The following THOC7 variants were observed in gnomAD, a reference collection of about 807,000 sequenced individuals.
THOC7 encodes NIF3L1-binding protein 1.
A neutral mutation model predicts 33.1 loss-of-function variants in THOC7; 22 were observed. That is an observed-to-expected ratio of 0.66 (90% CI 0.47 to 0.95). THOC7 has a LOEUF of 0.95. THOC7 is among the 40% of genes least tolerant of loss of function. The pLI is 0.00. For missense variants in THOC7, 184 were observed against 245.3 expected, an observed-to-expected ratio of 0.75 and a Z score of 1.67; for synonymous variants, 77 against 76.8, an observed-to-expected ratio of 1.00 and a Z score of -0.01.
In THOC7 at chr3:63,843,679, T is replaced by C. The variant is rs552327392; in HGVS notation, c.20-3906A>G. Reference sequence around the variant, plus strand: ...ACTTTGGGAGGCCAAGGTGGGCGCATCACGAGGTCAGGAGATCGAGACCAT... The same window carrying C: ...ACTTTGGGAGGCCAAGGTGGGCGCACCACGAGGTCAGGAGATCGAGACCAT... On this transcript the variant is annotated intron_variant, in intron 1 of 7. Transcript: ENST00000295899. 6.6e-5 allele frequency among the ~76,000 whole-genome samples: 10 copies of C among 152,176 alleles called. No homozygotes were observed. In the East Asian group the frequency reaches 2.0e-3, roughly 30 times the overall value.
At chr3:63,862,424 A>C (rs1702242963) in intron 1 of THOC7, among the ~76,000 whole-genome samples, 2 of 152,210 alleles carry the variant, frequency 1.3e-5, no homozygotes, top group Non-Finnish European at 2.9e-5. Flanking sequence ...AAAACTCATT[A>C]GTCAATGTTT....
At chr3:63,856,987 GGA>G (rs1295764062) in intron 1 of THOC7, among the ~76,000 whole-genome samples, 1 of 152,166 alleles carries the variant, frequency 6.6e-6, no homozygotes, top group African/African-American at 2.4e-5. Flanking sequence ...CCAAGTGCTG[GGA>G]TTACAGGCGT....
At chr3:63,834,985 C>T (rs1042810556) in intron 7 of THOC7, among the ~76,000 whole-genome samples, 169 bp downstream of exon 7, 1 of 152,102 alleles carries the variant, frequency 6.6e-6, no homozygotes, top group Non-Finnish European at 1.5e-5. Context: ...TAAGACTTTT[C>T]TACATGTATT....
intron 1 of THOC7, among the ~76,000 whole-genome samples, chr3:63,848,007 A>C (rs1382544068): frequency 6.6e-6 from 1 of 152,192 alleles, no homozygotes; most frequent in Non-Finnish European, 1.5e-5. Flanking sequence ...ATGAACATTA[A>C]AACAGAGATC....
At chr3:63,837,161 G>C (rs1396324282) in intron 4 of THOC7, among the ~76,000 whole-genome samples, 1 of 151,508 alleles carries the variant, frequency 6.6e-6, no homozygotes, top group Non-Finnish European at 1.5e-5. Context: ...GATTCTTTTG[G>C]ATACAAATTT....
chr3:63,836,240 G>T, intron 5 of THOC7, 61 bp downstream of exon 5: 1 of 1,491,470 alleles, frequency 6.7e-7, no homozygotes, highest in Non-Finnish European at 9.2e-7. Context: ...AATGCCTACG[G>T]TAGTTTTCGA....
intron 4 of THOC7, 40 bp downstream of exon 4, chr3:63,837,936 T>C: frequency 6.4e-7 from 1 of 1,555,610 alleles, no homozygotes; most frequent in Non-Finnish European, 8.8e-7. Flanking sequence ...CTGTAGTCAG[T>C]AATAATGTAT....
chr3:63,844,898 T>G, intron 1 of THOC7: 2 of 524,072 alleles, frequency 3.8e-6, no homozygotes, highest in Non-Finnish European at 6.9e-6. Context: ...CGGAAAATTG[T>G]ACTGGCAGTG....
intron 1 of THOC7, among the ~76,000 whole-genome samples, chr3:63,858,760 G>T (rs1702156407): frequency 6.6e-6 from 1 of 152,332 alleles, no homozygotes; most frequent in Non-Finnish European, 1.5e-5. Flanking sequence ...AAGGGAAGGA[G>T]AGAAAATGGC....
At chr3:63,861,238 G>A (rs1201469904) in intron 1 of THOC7, among the ~76,000 whole-genome samples, 1 of 152,040 alleles carries the variant, frequency 6.6e-6, no homozygotes, top group Non-Finnish European at 1.5e-5. Flanking sequence ...GATGTGGGGG[G>A]GCACTTGACT....
intron 1 of THOC7, among the ~76,000 whole-genome samples, chr3:63,850,357 C>T (rs1169953125): frequency 6.6e-6 from 1 of 151,590 alleles, no homozygotes; most frequent in Non-Finnish European, 1.5e-5. Flanking sequence ...CGTACCACCA[C>T]ACCCAGCTAA....
At chr3:63,863,515 G>C in intron 1 of THOC7, 1 of 1,188,134 alleles carries the variant, frequency 8.4e-7, no homozygotes, top group Non-Finnish European at 1.0e-6. Context: ...CTATAGCCCC[G>C]CGCTGCCTCC....
upstream of THOC7, among the ~76,000 whole-genome samples, chr3:63,864,285 C>T (rs1410921923): frequency 6.6e-6 from 1 of 151,392 alleles, no homozygotes; most frequent in Admixed American, 6.6e-5. Context: ...CAGGGTGACG[C>T]TGCTAGGGGT....
upstream of THOC7, chr3:63,863,925 C>T (rs1320278308): frequency 3.9e-6 from 3 of 773,884 alleles, no homozygotes; most frequent in African/African-American, 3.9e-5. Flanking sequence ...CGGCCGCCTG[C>T]TCCGACGCCT....
chr3:63,861,197 T>A (rs1702203832), intron 1 of THOC7, among the ~76,000 whole-genome samples: 1 of 152,212 alleles, frequency 6.6e-6, no homozygotes, highest in Non-Finnish European at 1.5e-5. Flanking sequence ...AGTCTGTAAG[T>A]GGCAGGGTAG....
At chr3:63,852,996 C>A (rs1702045743) in intron 1 of THOC7, among the ~76,000 whole-genome samples, 1 of 151,908 alleles carries the variant, frequency 6.6e-6, no homozygotes, top group Non-Finnish European at 1.5e-5. Flanking sequence ...CCTAAAAATA[C>A]AAAAATTAGC....
At chr3:63,851,687 C>T (rs1305855060) in intron 1 of THOC7, among the ~76,000 whole-genome samples, 1 of 152,156 alleles carries the variant, frequency 6.6e-6, no homozygotes, top group African/African-American at 2.4e-5. Flanking sequence ...CTATCGTTGG[C>T]CTCTCTGTCC....
intron 7 of THOC7, among the ~76,000 whole-genome samples, chr3:63,834,564 G>A (rs1421666530): frequency 6.6e-6 from 1 of 151,816 alleles, no homozygotes; most frequent in Non-Finnish European, 1.5e-5. Context: ...GGAGGCTGAG[G>A]CAGGAGAATC....
At chr3:63,839,150 A>G (rs1165495496) in intron 2 of THOC7, among the ~76,000 whole-genome samples, 1 of 152,138 alleles carries the variant, frequency 6.6e-6, no homozygotes, top group Admixed American at 6.5e-5. Context: ...AGATTGTGCC[A>G]TTGCACTCCA....
Sources: allele counts gnomAD v4.1 joint callset (sites outside exome capture counted in the v4.1 genomes callset), GRCh38; gene constraint gnomAD v4.1.1; transcripts MANE v1.5; gene names NCBI Gene and HGNC (gene_info 2026-07-23, HGNC 2026-07-21).